Variants in CCNF observed in about 807,000 individuals in gnomAD.
CCNF encodes the protein cyclin F, also known as cyclin-F.
A neutral mutation model predicts 85.4 loss-of-function variants in CCNF; 30 were observed. That is an observed-to-expected ratio of 0.35 (90% CI 0.26 to 0.48). The LOEUF (loss-of-function observed/expected upper bound fraction) is 0.48, where lower values mean the gene tolerates loss of function less well. Among genes scored for constraint, CCNF ranks in the 20% least tolerant of loss-of-function variants. The probability of loss-of-function intolerance (pLI) is 0.99; values close to 1 mark genes in which losing one functional copy is unlikely to be tolerated. For synonymous variants in CCNF, 439 were observed against 425.1 expected, an observed-to-expected ratio of 1.03 and a Z score of -0.40; for missense variants, 919 against 1,010.4, an observed-to-expected ratio of 0.91 and a Z score of 1.23.
At chr16:2,430,485 A>G (rs1044280791) in intron 1 of CCNF, among the ~76,000 whole-genome samples, 2 of 152,078 alleles carry the variant, frequency 1.3e-5, no homozygotes, top group Non-Finnish European at 2.9e-5. Flanking sequence ...GCATCTGTAC[A>G]CAAACCTACA....
chr16:2,438,701 A>G (rs1339957546), intron 6 of CCNF, among the ~76,000 whole-genome samples: 1 of 151,906 alleles, frequency 6.6e-6, no homozygotes, highest in Non-Finnish European at 1.5e-5. Context: ...ATTGAACATC[A>G]AGTAAAGAAT....
chr16:2,443,715 A>T lies in CCNF; in HGVS notation c.844A>T (p.Ile282Phe). ...LGLEVRASSE[I>F]VCQLFQASQA... Reference sequence around the variant, plus strand: ...ACTGGAGGTGAGAGCTTCCAGTGAGATCGTCTGCCAGCTATTTCAGGCTTC... The same window carrying T: ...ACTGGAGGTGAGAGCTTCCAGTGAGTTCGTCTGCCAGCTATTTCAGGCTTC... The change falls in exon 9 of 17, where the codon ATC becomes TTC. Residue 282 changes from isoleucine (I) to phenylalanine (F), a missense_variant. Transcript: ENST00000397066. 1 of 1,614,060 alleles carries T rather than the reference A, an allele frequency of 6.2e-7. No individual in the cohort carries two copies. The highest frequency in any genetic ancestry group is 8.5e-7 in the Non-Finnish European group (1 of 1,179,966).
At position 2,453,658 on chromosome 16, in the gene CCNF, C is replaced by T. The variant is rs2065408006; in HGVS notation, c.1715+121C>T. On this transcript the variant is annotated intron_variant, in intron 15 of 16. Coordinates refer to ENST00000397066, the MANE Select transcript of CCNF (RefSeq NM_001761.3). The surrounding 1 kb of genome is among the most constrained non-coding windows in gnomAD (Gnocchi z 5.6). ...GGCTTGTCAGGGGAGCAGCAGATCC[C>T]AGGACAGTGACCCTGGGACGGAGCC... 18 of 1,312,696 alleles carry T rather than the reference C, an allele frequency of 1.4e-5. 2 individuals carry two copies. In the South Asian group the frequency reaches 1.8e-4, roughly 13 times the overall value. 81.3% of individuals were successfully genotyped at this position (1,312,696 alleles called of 1,614,324 possible).
At chr16:2,447,339 C>T (rs557385100) in intron 10 of CCNF, among the ~76,000 whole-genome samples, 1 of 150,668 alleles carries the variant, frequency 6.6e-6, no homozygotes, top group Admixed American at 6.6e-5. Flanking sequence ...AATCCCAGCA[C>T]TTTGGGAGGC....
chr16:2,442,937 T>TA (rs1567386549), intron 8 of CCNF, among the ~76,000 whole-genome samples: 7 of 94,010 alleles, frequency 7.4e-5, no homozygotes, highest in Admixed American at 3.8e-4. Flanking sequence ...ATATGATTAT[T>TA]ATATATTATT....
chr16:2,445,053 GCATTTACCATATTGGGGCAT>G (rs2065353892), intron 9 of CCNF, among the ~76,000 whole-genome samples: 1 of 152,056 alleles, frequency 6.6e-6, no homozygotes, highest in Non-Finnish European at 1.5e-5. Flanking sequence ...ATTCAGAAAG[GCATTTACCATATTGGGGCAT>G]CATTTACCGT....
rs148523749 is a variant in CCNF, at chr16:2,453,562, C to T, written c.1715+25C>T. 6.3e-5 allele frequency: 102 copies of T among 1,613,346 alleles called. No homozygotes were observed. The highest frequency in any genetic ancestry group is 1.3e-4 in the African/African-American group (10 of 74,936). On this transcript the variant is annotated intron_variant, in intron 15 of 16. Coordinates refer to ENST00000397066, the MANE Select transcript of CCNF (RefSeq NM_001761.3). This position sits in a 1 kb window ranked among gnomAD's most constrained non-coding sequence, Gnocchi z 5.6. Reference sequence around the variant, plus strand: ...GGTTAGTTACCCTGCGTTCTGGCTGCGCCATACAATGCTGGCATCCTCGTG... The same window carrying T: ...GGTTAGTTACCCTGCGTTCTGGCTGTGCCATACAATGCTGGCATCCTCGTG...
intron 3 of CCNF, among the ~76,000 whole-genome samples, chr16:2,433,996 C>T (rs1380611309): frequency 2.0e-5 from 3 of 152,362 alleles, no homozygotes; most frequent in Admixed American, 2.0e-4. Flanking sequence ...CCACACATCA[C>T]ACAATTCATC....
At position 2,452,592 on chromosome 16, in the gene CCNF, G is replaced by A. The variant is rs561176335; in HGVS notation, c.1488-618G>A. ...ACTTCCTTTGATTGTGTGATTTAAC[G>A]GGCTTTTATTCACACAGTTGTGCTT... On this transcript the variant is annotated intron_variant, in intron 13 of 16. Coordinates refer to ENST00000397066, the MANE Select transcript of CCNF (RefSeq NM_001761.3). The surrounding 1 kb of genome is among the most constrained non-coding windows in gnomAD (Gnocchi z 4.1). 5 of 152,406 alleles carry A rather than the reference G, an allele frequency of 3.3e-5. No homozygotes were observed. The highest frequency in any genetic ancestry group is 1.9e-4 in the East Asian group (1 of 5,184). The allele number at this position is 152,406 out of a possible 1,614,324, so 9.4% of individuals were successfully genotyped here.
rs1281648913 is a variant in CCNF, at chr16:2,443,796, A to C, written c.925A>C (p.Met309Leu). The C allele has an allele frequency of 6.2e-7, 1 of 1,613,876 alleles. No individual in the cohort carries two copies. The highest frequency in any genetic ancestry group is 1.3e-5 in the African/African-American group (1 of 74,938). ...FSVQKGLNDT[M>L]RYILIDWLVE... ...CGTGCAGAAGGGACTCAATGACACA[A>C]TGAGGTGAGGCATTCAGGCCGGGGC... The change falls in exon 9 of 17, where the codon ATG becomes CTG. Residue 309 changes from methionine to leucine, a missense_variant. By Grantham distance (15) the Met-to-Leu change is conservative. Coordinates refer to ENST00000397066, the MANE Select transcript of CCNF (RefSeq NM_001761.3).
intron 3 of CCNF, among the ~76,000 whole-genome samples, chr16:2,435,257 AAAAAG>A (rs1216371736): frequency 3.1e-5 from 3 of 98,202 alleles, no homozygotes; most frequent in Admixed American, 1.1e-4. Flanking sequence ...CTCAAAAAAA[AAAAAG>A]AAAAGAAAAG....
At position 2,455,156 on chromosome 16, in the gene CCNF, G is replaced by T. The variant is rs111637411; in HGVS notation, c.1716-239G>T. Among the ~76,000 whole-genome samples the T allele has an allele frequency of 9.3e-3, 1,418 of 152,310 alleles. 26 individuals carry two copies. The highest frequency in any genetic ancestry group is 0.031 in the African/African-American group (1,289 of 41,568). ...GGCCCACGCCCCACAGCTGAGCCGG[G>T]TGGGCTGGGCTTCACACCCAGACCT... On this transcript the variant is annotated intron_variant, in intron 15 of 16. Coordinates refer to ENST00000397066, the MANE Select transcript of CCNF (RefSeq NM_001761.3).
At chr16:2,443,111 TATATTAC>T (rs1214894947) in intron 8 of CCNF, among the ~76,000 whole-genome samples, 20 of 132,478 alleles carry the variant, frequency 1.5e-4, no homozygotes, top group Non-Finnish European at 2.5e-4. Flanking sequence ...TTATATATAA[TATATTAC>T]ATATTATATA....
chr16:2,446,132 G>A (rs2065361107), intron 10 of CCNF, among the ~76,000 whole-genome samples: 1 of 152,216 alleles, frequency 6.6e-6, no homozygotes, highest in African/African-American at 2.4e-5. Flanking sequence ...ACAGCCTTCA[G>A]CGTGTGGGGG....
chr16:2,450,509 CAAA>C (rs56025006), intron 13 of CCNF, among the ~76,000 whole-genome samples: 12 of 132,644 alleles, frequency 9.0e-5, no homozygotes, highest in African/African-American at 1.1e-4. Context: ...AACTCCATCT[CAAA>C]AAAAAAAAAA....
intron 10 of CCNF, 119 bp downstream of exon 10, chr16:2,445,741 T>TTTG: frequency 2.9e-6 from 3 of 1,025,394 alleles, no homozygotes; most frequent in Non-Finnish European, 4.1e-6. Context: ...TTTTTTTTTT[T>TTTG]TCCCGAGACC....
At chr16:2,435,666 C>CACATATATATATATATAT (rs1267256738) in intron 3 of CCNF, 140 bp from the exon 4 acceptor site, 1 of 42,328 alleles carries the variant, frequency 2.4e-5, no homozygotes, top group Non-Finnish European at 3.7e-5. Context: ...CACACACACA[C>CACATATATATATATATAT]ATATATATAT....
At chr16:2,454,488 C>T (rs967068572) in intron 15 of CCNF, among the ~76,000 whole-genome samples, 5 of 151,238 alleles carry the variant, frequency 3.3e-5, no homozygotes, top group Non-Finnish European at 5.9e-5. Context: ...TCTCAGAGGC[C>T]CCCCACAGCC....
At chr16:2,430,370 T>C (rs1234875400) in intron 1 of CCNF, among the ~76,000 whole-genome samples, 1 of 151,716 alleles carries the variant, frequency 6.6e-6, no homozygotes, top group Non-Finnish European at 1.5e-5. Flanking sequence ...GTTGCTGGAG[T>C]AGGAGTTGGA....
Sources: gnomAD v4.1 joint callset for allele counts (sites outside exome capture counted in the v4.1 genomes callset) on GRCh38, gnomAD v4.1.1 for gene constraint, Gnocchi (gnomAD v3.1) non-coding constraint, MANE v1.5 for transcripts, NCBI Gene and HGNC (gene_info 2026-07-23, HGNC 2026-07-21) for gene names.